The following VPS54 variants were observed in gnomAD, a reference collection of about 807,000 sequenced individuals.
VPS54 encodes VPS54 subunit of GARP complex.
VPS54 carries 45 observed loss-of-function variants against 121.5 expected under a neutral mutation model. The ratio of observed to expected loss-of-function variants is 0.37; its 90% CI spans 0.29 to 0.47. The LOEUF is 0.47. Among genes scored for constraint, VPS54 ranks in the 20% least tolerant of loss-of-function variants. VPS54 has a pLI of 0.99. For synonymous variants in VPS54, 371 were observed against 385.8 expected (o/e 0.96, Z 0.45); for missense variants, 1,090 against 1,131.4 (o/e 0.96, Z 0.52).
chr2:63,985,621 T>G (rs1343437475), intron 1 of VPS54, among the ~76,000 whole-genome samples: 1 of 151,380 alleles, frequency 6.6e-6, no homozygotes, highest in Non-Finnish European at 1.5e-5. Flanking sequence ...ACTAAGGAAC[T>G]GACTATAGTG....
At chr2:63,907,284 C>T (rs1672941212) in intron 20 of VPS54, among the ~76,000 whole-genome samples, 1 of 151,864 alleles carries the variant, frequency 6.6e-6, no homozygotes, top group Non-Finnish European at 1.5e-5. Context: ...TTTGGGAGGC[C>T]GAGGTGGGCA....
chr2:63,941,384 T>C (rs1333475006), intron 11 of VPS54, among the ~76,000 whole-genome samples: 1 of 151,604 alleles, frequency 6.6e-6, no homozygotes, highest in Non-Finnish European at 1.5e-5. Flanking sequence ...ATCACTATGC[T>C]TGGCTAATTT....
At chr2:64,001,190 A>T (rs1407907190) in intron 1 of VPS54, among the ~76,000 whole-genome samples, 1 of 152,082 alleles carries the variant, frequency 6.6e-6, no homozygotes, top group Non-Finnish European at 1.5e-5. Flanking sequence ...CTGCCAGGCT[A>T]CTGTCAATGT....
At chr2:63,964,178 CTATTCT>C (rs1390194614) in intron 6 of VPS54, among the ~76,000 whole-genome samples, 2 of 152,074 alleles carry the variant, frequency 1.3e-5, no homozygotes, top group Non-Finnish European at 2.9e-5. Context: ...TCTTCTATTC[CTATTCT>C]AAGAACAGAG....
Position 63,941,872 on chromosome 2 carries a change from A to G in VPS54, c.1398+593T>C, listed in dbSNP as rs528922417. On this transcript the variant is annotated intron_variant, in intron 11 of 22. Coordinates refer to ENST00000272322, the MANE Select transcript of VPS54 (RefSeq NM_016516.3). ...AACATGGTGAAACCCCATCTCTACT[A>G]AACATGCAAAAATTAGCCAGGCGTG... Among the ~76,000 whole-genome samples the G allele has an allele frequency of 1.5e-3, 224 of 152,066 alleles. 1 individual carries two copies. Among genetic ancestry groups the G allele is most frequent in the Non-Finnish European group, 3.2e-4 (22 of 67,972 alleles).
intron 10 of VPS54, among the ~76,000 whole-genome samples, chr2:63,942,991 G>T (rs1042525839): frequency 6.6e-6 from 1 of 152,202 alleles, no homozygotes; most frequent in Non-Finnish European, 1.5e-5. Context: ...TAAAATAGCA[G>T]CAGCTTATTG....
intron 19 of VPS54, 33 bp downstream of exon 19, chr2:63,912,507 T>C (rs759923569): frequency 1.2e-6 from 2 of 1,611,296 alleles, no homozygotes; most frequent in South Asian, 1.1e-5. Flanking sequence ...TCTAAACTTA[T>C]GAAACGCCAA....
chr2:63,959,254 A>C (rs1278849078), intron 7 of VPS54, among the ~76,000 whole-genome samples: 1 of 152,224 alleles, frequency 6.6e-6, no homozygotes, highest in Non-Finnish European at 1.5e-5. Flanking sequence ...ACAAATTTAA[A>C]ACAAAACACA....
chr2:64,012,455 TAAAAAAAA>T (rs11316408), intron 1 of VPS54, among the ~76,000 whole-genome samples: 1 of 111,576 alleles, frequency 9.0e-6, no homozygotes, highest in East Asian at 2.5e-4. Context: ...AGTAACTGTT[TAAAAAAAA>T]AAAAAAAAAA....
intron 1 of VPS54, among the ~76,000 whole-genome samples, chr2:64,009,704 G>A (rs778069454): frequency 7.9e-5 from 12 of 152,180 alleles, no homozygotes; most frequent in South Asian, 4.1e-4. Flanking sequence ...CTACTTTGGC[G>A]CATCATTTTA....
chr2:63,948,908 A>G, intron 8 of VPS54, 129 bp downstream of exon 8: 2 of 1,067,648 alleles, frequency 1.9e-6, no homozygotes, highest in Non-Finnish European at 2.6e-6. Context: ...TAGCTAGTGA[A>G]GGACTTCATA....
intron 5 of VPS54, among the ~76,000 whole-genome samples, chr2:63,967,641 C>T (rs959049432): frequency 6.9e-6 from 1 of 144,370 alleles, no homozygotes; most frequent in African/African-American, 2.6e-5. Context: ...ATTGCTTGAA[C>T]CTGGGAGGCG....
intron 7 of VPS54, among the ~76,000 whole-genome samples, chr2:63,961,453 C>A (rs538174576): frequency 6.6e-6 from 1 of 152,222 alleles, no homozygotes; most frequent in East Asian, 1.9e-4. Context: ...CAGATATGAA[C>A]TTCTACAAGG....
chr2:64,011,183 T>C (rs1318396318), intron 1 of VPS54, among the ~76,000 whole-genome samples: 2 of 152,238 alleles, frequency 1.3e-5, no homozygotes, highest in African/African-American at 2.4e-5. Flanking sequence ...TCATAAAATA[T>C]ATACTTTTTA....
chr2:63,981,885 C>A lies in VPS54; in HGVS notation c.139G>T (p.Asp47Tyr). 2 of 1,606,704 alleles carry A rather than the reference C, an allele frequency of 1.2e-6. No homozygotes were observed. The highest frequency in any genetic ancestry group is 2.2e-5 in the South Asian group (2 of 89,634). Residue 47 changes from aspartate to tyrosine, a missense_variant and splice_region_variant, in exon 3 of 23, where the codon GAT becomes TAT. Around this residue, in one of 2 missense-constraint regions of VPS54, gnomAD observed 801 missense variants for 757.0 expected, o/e 1.06. Coordinates refer to ENST00000272322, the MANE Select transcript of VPS54 (RefSeq NM_016516.3). ...GGGGCAACATATAAACTATGTGAAT[C>A]ACCTGCAAAAAGTAAACAAGAGAAC... ...PDVCPKEPTG[D>Y]SHSLYVAPSL...
chr2:63,897,000 C>T (rs1160189904), intron 22 of VPS54, among the ~76,000 whole-genome samples: 1 of 152,134 alleles, frequency 6.6e-6, no homozygotes, highest in East Asian at 1.9e-4. Context: ...CTAAGTCCTA[C>T]CCTATGCTTT....
intron 1 of VPS54, among the ~76,000 whole-genome samples, chr2:63,996,346 T>C (rs527306659): frequency 6.6e-6 from 1 of 152,232 alleles, no homozygotes; most frequent in Non-Finnish European, 1.5e-5. Context: ...TAATTTCCTA[T>C]GCCTGTCTTT....
Position 63,931,760 on chromosome 2 carries a change from A to G in VPS54, c.1739+1913T>C, listed in dbSNP as rs1315862709. 3.3e-5 allele frequency among the ~76,000 whole-genome samples: 5 copies of G among 152,238 alleles called. No homozygotes were observed. In the East Asian group the frequency reaches 9.6e-4, roughly 29 times the overall value. Reference sequence around the variant, plus strand: ...AAAATTTTTGCAATCTACTCATCTGACAAAGGGCTAATATCCAGAATCTAC... The same window carrying G: ...AAAATTTTTGCAATCTACTCATCTGGCAAAGGGCTAATATCCAGAATCTAC... On this transcript the variant is annotated intron_variant, in intron 12 of 22. Transcript: ENST00000272322.
chr2:63,965,815 A>G lies in VPS54; in HGVS notation c.624+20T>C, dbSNP rs982759702. The G allele has an allele frequency of 1.2e-6, 2 of 1,608,940 alleles. No homozygotes were observed. The highest frequency in any genetic ancestry group is 1.7e-6 in the Non-Finnish European group (2 of 1,178,856). Reference sequence around the variant, plus strand: ...TAACTAGAATAGTTTCCTACATGGAAAAAGTCAAAAAGAAATTACCTTTTC... The same window carrying G: ...TAACTAGAATAGTTTCCTACATGGAGAAAGTCAAAAAGAAATTACCTTTTC... On this transcript the variant is annotated intron_variant, in intron 6 of 22. Coordinates refer to ENST00000272322, the MANE Select transcript of VPS54 (RefSeq NM_016516.3).
Sources: allele counts gnomAD v4.1 joint callset (sites outside exome capture counted in the v4.1 genomes callset), GRCh38; gene constraint gnomAD v4.1.1; regional missense constraint gnomAD v4.1.1; transcripts MANE v1.5; gene names NCBI Gene and HGNC (gene_info 2026-07-23, HGNC 2026-07-21).